The following OCIAD2 variants were observed in gnomAD, a reference collection of about 807,000 sequenced individuals.
OCIAD2 encodes OCIA domain containing 2.
In OCIAD2, 29 loss-of-function variants were observed where a neutral mutation model predicts 22.9. The ratio of observed to expected loss-of-function variants is 1.27; its 90% CI spans 0.94 to 1.73. The LOEUF (loss-of-function observed/expected upper bound fraction) is 1.73, where lower values mean the gene tolerates loss of function less well. Among genes scored for constraint, OCIAD2 ranks in the 40% most tolerant of loss-of-function variants. OCIAD2 has a pLI of 0.00. For missense variants in OCIAD2, 189 were observed against 180.3 expected (o/e 1.05, Z -0.28); for synonymous variants, 67 against 60.2 (o/e 1.11, Z -0.52).
chr4:48,893,886 T>G (rs1781238448), intron 5 of OCIAD2, 120 bp downstream of exon 5: 4 of 450,958 alleles, frequency 8.9e-6, no homozygotes, highest in Non-Finnish European at 1.6e-5. Context: ...TTCACCATGC[T>G]GCCCAGGCTG....
At chr4:48,886,252 T>A (rs1780983320) in intron 6 of OCIAD2, among the ~76,000 whole-genome samples, 1 of 152,214 alleles carries the variant, frequency 6.6e-6, no homozygotes, top group Non-Finnish European at 1.5e-5. Context: ...GTGGTATTAT[T>A]TCTGAGGGCT....
At chr4:48,894,957 A>G (rs1034066117) in intron 4 of OCIAD2, among the ~76,000 whole-genome samples, 2 of 152,226 alleles carry the variant, frequency 1.3e-5, no homozygotes, top group African/African-American at 4.8e-5. Flanking sequence ...ACTTTAAAAG[A>G]GAGAGATGAT....
intron 6 of OCIAD2, among the ~76,000 whole-genome samples, chr4:48,891,438 T>C (rs1781176343): frequency 6.6e-6 from 1 of 152,160 alleles, no homozygotes. Flanking sequence ...GGGGCTGCCA[T>C]GGCTGGCAGT....
intron 1 of OCIAD2, among the ~76,000 whole-genome samples, chr4:48,906,222 C>A (rs1435730593): frequency 6.6e-6 from 1 of 152,184 alleles, no homozygotes; most frequent in Non-Finnish European, 1.5e-5. Context: ...CTCCCACCCC[C>A]CACGCTGGGG....
At chr4:48,890,687 A>G (rs1440134335) in intron 6 of OCIAD2, among the ~76,000 whole-genome samples, 1 of 152,212 alleles carries the variant, frequency 6.6e-6, no homozygotes, top group Non-Finnish European at 1.5e-5. Flanking sequence ...TTCTTGCATT[A>G]AAGTTTTATA....
At chr4:48,894,891 T>G (rs1781268707) in intron 4 of OCIAD2, among the ~76,000 whole-genome samples, 1 of 152,154 alleles carries the variant, frequency 6.6e-6, no homozygotes. Context: ...GTGAATATAT[T>G]ATGTCCCAAA....
chr4:48,885,947 A>G (rs1780974777), intron 6 of OCIAD2, among the ~76,000 whole-genome samples: 1 of 152,134 alleles, frequency 6.6e-6, no homozygotes. Flanking sequence ...CCATTTGTCA[A>G]TTTCGGCCTT....
intron 6 of OCIAD2, among the ~76,000 whole-genome samples, chr4:48,889,696 G>C (rs1781109006): frequency 6.6e-6 from 1 of 152,188 alleles, no homozygotes; most frequent in African/African-American, 2.4e-5. Context: ...AAGACAGTGT[G>C]GCAATTCCTC....
chr4:48,890,961 C>T (rs1233989637), intron 6 of OCIAD2, among the ~76,000 whole-genome samples: 1 of 152,168 alleles, frequency 6.6e-6, no homozygotes, highest in East Asian at 1.9e-4. Flanking sequence ...GGCATAAATT[C>T]CTTCAGGAGC....
At chr4:48,893,062 A>C (rs1406657235) in intron 5 of OCIAD2, 173 bp from the exon 6 acceptor site, 2 of 471,784 alleles carry the variant, frequency 4.2e-6, no homozygotes, top group African/African-American at 4.1e-5. Flanking sequence ...GGAACTGGAG[A>C]CTTCCCCATC....
intron 5 of OCIAD2, chr4:48,893,760 A>C (rs1781234350): frequency 7.7e-6 from 2 of 259,706 alleles, no homozygotes; most frequent in South Asian, 3.2e-4. Flanking sequence ...TGATTTTTCC[A>C]AAAGTCAATA....
chr4:48,898,126 A>G (rs1781338897), intron 3 of OCIAD2, among the ~76,000 whole-genome samples: 1 of 152,226 alleles, frequency 6.6e-6, no homozygotes, highest in Non-Finnish European at 1.5e-5. Context: ...GAATGCCAAC[A>G]TGCACCAGAT....
chr4:48,896,956 G>C (rs920913201), intron 4 of OCIAD2, among the ~76,000 whole-genome samples: 1 of 152,286 alleles, frequency 6.6e-6, no homozygotes, highest in African/African-American at 2.4e-5. Flanking sequence ...AAGAGGCAGG[G>C]AGAGGTTATG....
At chr4:48,894,216 G>C (rs1422620968) in intron 4 of OCIAD2, among the ~76,000 whole-genome samples, 163 bp from the exon 5 acceptor site, 1 of 151,892 alleles carries the variant, frequency 6.6e-6, no homozygotes, top group Non-Finnish European at 1.5e-5. Context: ...ATCTTGGCTG[G>C]GCGCAGTCAC....
chr4:48,889,607 C>G (rs1383273289), intron 6 of OCIAD2, among the ~76,000 whole-genome samples: 2 of 152,202 alleles, frequency 1.3e-5, no homozygotes, highest in Non-Finnish European at 2.9e-5. Flanking sequence ...CAGGAAACAA[C>G]AGGTGCTGGA....
intron 4 of OCIAD2, among the ~76,000 whole-genome samples, chr4:48,896,646 A>T (rs1781307349): frequency 6.6e-6 from 1 of 152,072 alleles, no homozygotes; most frequent in South Asian, 2.1e-4. Context: ...AGTCCTGATA[A>T]TCAGAAGCCA....
chr4:48,895,566 T>C (rs1429940389), intron 4 of OCIAD2, among the ~76,000 whole-genome samples: 2 of 152,168 alleles, frequency 1.3e-5, no homozygotes, highest in African/African-American at 2.4e-5. Flanking sequence ...ATGATAATGG[T>C]AGTAATCAAT....
At chr4:48,896,064 T>C (rs982719587) in intron 4 of OCIAD2, among the ~76,000 whole-genome samples, 2 of 152,070 alleles carry the variant, frequency 1.3e-5, no homozygotes, top group African/African-American at 4.8e-5. Context: ...AAAAAACCCA[T>C]AATCCCCATA....
intron 6 of OCIAD2, among the ~76,000 whole-genome samples, chr4:48,891,055 G>A (rs1201192866): frequency 1.3e-5 from 2 of 152,028 alleles, no homozygotes; most frequent in Non-Finnish European, 2.9e-5. Flanking sequence ...TGTATTTATG[G>A]TTCCCTTTAA....
Sources: allele counts gnomAD v4.1 joint callset (sites outside exome capture counted in the v4.1 genomes callset), GRCh38; gene constraint gnomAD v4.1.1; transcripts MANE v1.5; gene names NCBI Gene and HGNC (gene_info 2026-07-23, HGNC 2026-07-21).